Variants in TBC1D19 observed in about 807,000 individuals in gnomAD.
TBC1D19 encodes TBC1 domain family, member 19.
Under a neutral mutation model 89.0 loss-of-function variants are expected in TBC1D19, and 60 were observed. The ratio of observed to expected loss-of-function variants is 0.67; its 90% CI spans 0.55 to 0.84. The LOEUF (loss-of-function observed/expected upper bound fraction) is 0.84, where lower values mean the gene tolerates loss of function less well. Among genes scored for constraint, TBC1D19 ranks in the 40% least tolerant of loss-of-function variants. The probability of loss-of-function intolerance (pLI) is 0.00; values close to 1 mark genes in which losing one functional copy is unlikely to be tolerated. For missense variants in TBC1D19, 500 were observed against 610.8 expected (o/e 0.82, Z 1.91); for synonymous variants, 189 against 199.7 (o/e 0.95, Z 0.45).
intron 9 of TBC1D19, 38 bp from the exon 10 acceptor site, chr4:26,672,111 C>A: frequency 1.1e-6 from 1 of 891,790 alleles, no homozygotes; most frequent in Non-Finnish European, 1.6e-6. Flanking sequence ...ATTGCTCATA[C>A]TCATGTCTAA....
chr4:26,762,667 T>C, the TBC1D19 span, among the ~76,000 whole-genome samples: 1 of 152,236 alleles, frequency 6.6e-6, no homozygotes, highest in Admixed American at 6.5e-5. Context: ...GACTTGCTGA[T>C]GTTATTAACA....
At chr4:26,618,385 A>G (rs1192778703) in intron 3 of TBC1D19, among the ~76,000 whole-genome samples, 1 of 152,164 alleles carries the variant, frequency 6.6e-6, no homozygotes, top group Non-Finnish European at 1.5e-5. Context: ...AAGAGTAGAG[A>G]AGAAAAGCAC....
chr4:26,784,151 C>T, the TBC1D19 span, among the ~76,000 whole-genome samples: 1 of 152,162 alleles, frequency 6.6e-6, no homozygotes, highest in Non-Finnish European at 1.5e-5. Context: ...CTTCATCCTT[C>T]CCAGGCATAC....
chr4:26,788,039 G>C, the TBC1D19 span, among the ~76,000 whole-genome samples: 1 of 152,190 alleles, frequency 6.6e-6, no homozygotes, highest in African/African-American at 2.4e-5. Context: ...AACCTCCTTT[G>C]TCAAATAAAT....
At chr4:26,745,013 T>G (rs1048056795) in intron 18 of TBC1D19, among the ~76,000 whole-genome samples, 3 of 152,166 alleles carry the variant, frequency 2.0e-5, no homozygotes, top group Admixed American at 6.5e-5. Flanking sequence ...CTTTAGTGCT[T>G]TGTCTTTTTC....
the TBC1D19 span, among the ~76,000 whole-genome samples, chr4:26,768,475 G>A: frequency 5.2e-4 from 79 of 152,188 alleles, no homozygotes; most frequent in East Asian, 0.012. Flanking sequence ...CAAAGAAGCA[G>A]GAAAATTAGA....
chr4:26,851,304 C>CCACT, the TBC1D19 span, among the ~76,000 whole-genome samples: 1 of 146,974 alleles, frequency 6.8e-6, no homozygotes, highest in Non-Finnish European at 1.5e-5. Flanking sequence ...TAATAAATAC[C>CCACT]CTATCTATCT....
the TBC1D19 span, among the ~76,000 whole-genome samples, chr4:26,787,299 A>C: frequency 6.6e-6 from 1 of 151,982 alleles, no homozygotes; most frequent in Non-Finnish European, 1.5e-5. Context: ...ACGGGGTTTC[A>C]CCATGTTGCC....
intron 17 of TBC1D19, among the ~76,000 whole-genome samples, chr4:26,740,200 TTTTTTC>T (rs1458484971): frequency 6.6e-6 from 1 of 152,104 alleles, no homozygotes; most frequent in African/African-American, 2.4e-5. Context: ...TTTAAATGAT[TTTTTTC>T]TTTTACATAT....
intron 18 of TBC1D19, among the ~76,000 whole-genome samples, chr4:26,743,750 G>A (rs1718499415): frequency 6.6e-6 from 1 of 151,728 alleles, no homozygotes. Context: ...TCATGATTCA[G>A]AAATATTTTA....
the TBC1D19 span, among the ~76,000 whole-genome samples, chr4:26,820,302 A>G: frequency 6.6e-6 from 1 of 152,178 alleles, no homozygotes; most frequent in African/African-American, 2.4e-5. Flanking sequence ...CTGTTTGTTC[A>G]ACATCTTTTC....
chr4:26,781,345 G>T, the TBC1D19 span, among the ~76,000 whole-genome samples: 1 of 152,148 alleles, frequency 6.6e-6, no homozygotes, highest in South Asian at 2.1e-4. Flanking sequence ...AGGTTACCTG[G>T]TTCTCTGCAA....
intron 13 of TBC1D19, among the ~76,000 whole-genome samples, chr4:26,709,405 A>T (rs1388890608): frequency 1.3e-5 from 2 of 152,072 alleles, no homozygotes; most frequent in Non-Finnish European, 2.9e-5. Flanking sequence ...CTTCAGCCAG[A>T]GGGGAAGGGG....
chr4:26,675,424 C>T (rs186662434), intron 11 of TBC1D19, among the ~76,000 whole-genome samples: 40 of 152,090 alleles, frequency 2.6e-4, no homozygotes, highest in African/African-American at 9.6e-4. Context: ...GATTTTTACC[C>T]TTGAATTTTG....
intron 7 of TBC1D19, among the ~76,000 whole-genome samples, chr4:26,657,058 T>C (rs1411689176): frequency 8.5e-5 from 4 of 47,250 alleles, no homozygotes; most frequent in Non-Finnish European, 2.0e-4. Flanking sequence ...CTCTTCTTGT[T>C]CTTCTTCTTC....
At chr4:26,663,159 G>A (rs993007205) in intron 8 of TBC1D19, 1 of 152,112 alleles carries the variant, frequency 6.6e-6, no homozygotes, top group Admixed American at 6.6e-5. Context: ...GTTGTTATGG[G>A]TTTAAGAAAA....
intron 4 of TBC1D19, among the ~76,000 whole-genome samples, chr4:26,630,666 C>A (rs976518613): frequency 2.0e-5 from 3 of 151,992 alleles, no homozygotes; most frequent in African/African-American, 7.2e-5. Context: ...TCCAGGACTT[C>A]TGGAAACAAG....
At chr4:26,759,064 C>T (rs1316410019), downstream of TBC1D19, among the ~76,000 whole-genome samples, 2 of 152,210 alleles carry the variant, frequency 1.3e-5, no homozygotes, top group Admixed American at 6.5e-5. Context: ...CTAACTCTTA[C>T]TTGTACATCA....
At chr4:26,697,621 C>A (rs1330788660) in intron 13 of TBC1D19, among the ~76,000 whole-genome samples, 5 of 64,362 alleles carry the variant, frequency 7.8e-5, no homozygotes, top group African/African-American at 1.4e-4. Context: ...CAATAAAATA[C>A]TGCAAACCGA....
Sources: allele counts gnomAD v4.1 joint callset (sites outside exome capture counted in the v4.1 genomes callset), GRCh38; gene constraint gnomAD v4.1.1; transcripts MANE v1.5; gene names NCBI Gene and HGNC (gene_info 2026-07-23, HGNC 2026-07-21).